Variants in PRMT3 observed in about 807,000 individuals in gnomAD.
The protein encoded by PRMT3 is protein arginine N-methyltransferase 3.
A neutral mutation model predicts 71.9 loss-of-function variants in PRMT3; 62 were observed. That is an observed-to-expected ratio of 0.86 (90% CI 0.70 to 1.07). PRMT3 has a LOEUF of 1.07. Ranked by LOEUF, PRMT3 falls within the 50% of genes least tolerant of loss-of-function variation. PRMT3 has a pLI of 0.00. For synonymous variants in PRMT3, 213 were observed against 220.4 expected (o/e 0.97, Z 0.30); for missense variants, 663 against 643.0 (o/e 1.03, Z -0.34).
chr11:20,499,970 T>A (rs1851419907), intron 15 of PRMT3, among the ~76,000 whole-genome samples: 1 of 152,006 alleles, frequency 6.6e-6, no homozygotes, highest in Non-Finnish European at 1.5e-5. Flanking sequence ...TAATAGCAAA[T>A]AATTGGGAGG....
intron 13 of PRMT3, among the ~76,000 whole-genome samples, chr11:20,492,227 G>T (rs1447941841): frequency 1.3e-5 from 2 of 152,086 alleles, no homozygotes; most frequent in East Asian, 3.9e-4. Context: ...TTACTGCTCT[G>T]GGCACTGAGA....
rs367976322 is a variant in PRMT3, at chr11:20,387,733, G to A, written c.-14G>A. ...CCGCCCCCAGACACGCCGGGCTCTC[G>A]GGGCACCACAGCCATGTGCTCGTTA... On this transcript the variant is annotated 5_prime_UTR_variant, in exon 1 of 16. Coordinates refer to ENST00000331079, the MANE Select transcript of PRMT3 (RefSeq NM_005788.4). This position sits in a 1 kb window ranked among gnomAD's most constrained non-coding sequence, Gnocchi z 4.3. 2.3e-5 allele frequency: 35 copies of A among 1,530,854 alleles called. No individual in the cohort carries two copies. Among genetic ancestry groups the A allele is most frequent in the Admixed American group, 1.4e-4 (7 of 49,938 alleles). The allele number at this position is 1,530,854 out of a possible 1,614,324, so 94.8% of individuals were successfully genotyped here.
intron 5 of PRMT3, among the ~76,000 whole-genome samples, chr11:20,394,111 CGT>C (rs1177494743): frequency 1.3e-5 from 2 of 152,158 alleles, no homozygotes; most frequent in African/African-American, 2.4e-5. Context: ...ATTCCAAGGA[CGT>C]GTCTTCACAA....
chr11:20,437,438 G>C (rs1321615532), intron 10 of PRMT3, among the ~76,000 whole-genome samples: 1 of 152,180 alleles, frequency 6.6e-6, no homozygotes, highest in Non-Finnish European at 1.5e-5. Context: ...TAGTGTTCCA[G>C]TTGGGAATGG....
intron 10 of PRMT3, among the ~76,000 whole-genome samples, chr11:20,427,467 T>G (rs892972034): frequency 5.9e-5 from 9 of 152,312 alleles, no homozygotes; most frequent in Admixed American, 2.6e-4. Context: ...GCTCACACCT[T>G]TAATCCCAGC....
intron 10 of PRMT3, among the ~76,000 whole-genome samples, chr11:20,429,457 A>C (rs1360488971): frequency 6.6e-6 from 1 of 152,138 alleles, no homozygotes; most frequent in Non-Finnish European, 1.5e-5. Context: ...CTCTAACTGA[A>C]ATAAAGAACA....
At chr11:20,474,630 G>A (rs1034929343) in intron 13 of PRMT3, among the ~76,000 whole-genome samples, 1 of 152,232 alleles carries the variant, frequency 6.6e-6, no homozygotes, top group Non-Finnish European at 1.5e-5. Flanking sequence ...GAGAGGTGTG[G>A]TTTCCTGGGC....
chr11:20,456,999 G>A (rs1475285363), intron 11 of PRMT3, among the ~76,000 whole-genome samples: 8 of 151,922 alleles, frequency 5.3e-5, no homozygotes, highest in African/African-American at 9.7e-5. Context: ...TCAGCCTCTC[G>A]ACTAGCTGGA....
intron 7 of PRMT3, among the ~76,000 whole-genome samples, chr11:20,398,953 T>C (rs1848891340): frequency 6.6e-6 from 1 of 152,338 alleles, no homozygotes; most frequent in Non-Finnish European, 1.5e-5. Context: ...AACGGTAATA[T>C]CCATATAAAA....
At chr11:20,393,025 T>C (rs1848751166) in intron 5 of PRMT3, 26 bp downstream of exon 5, 13 of 1,437,324 alleles carry the variant, frequency 9.0e-6, no homozygotes, top group Admixed American at 3.4e-5. Context: ...GTGTATCTCC[T>C]TTAATTAACA....
intron 15 of PRMT3, among the ~76,000 whole-genome samples, chr11:20,501,636 CTTATT>C (rs140767571): frequency 3.6e-4 from 55 of 152,158 alleles, no homozygotes; most frequent in African/African-American, 1.3e-3. Flanking sequence ...GTATGTAAAG[CTTATT>C]TTAGTGTCCA....
intron 10 of PRMT3, among the ~76,000 whole-genome samples, chr11:20,449,465 AG>A (rs769162418): frequency 2.0e-5 from 3 of 152,138 alleles, no homozygotes; most frequent in Non-Finnish European, 4.4e-5. Flanking sequence ...GCAACATAAA[AG>A]GGTGATTCAG....
chr11:20,483,706 C>A (rs1193968879), intron 13 of PRMT3, among the ~76,000 whole-genome samples: 1 of 152,066 alleles, frequency 6.6e-6, no homozygotes, highest in Non-Finnish European at 1.5e-5. Flanking sequence ...GAAGGAGAGG[C>A]CAACATAAAT....
chr11:20,489,858 C>CT (rs1383455547), intron 13 of PRMT3, among the ~76,000 whole-genome samples: 1 of 150,818 alleles, frequency 6.6e-6, no homozygotes, highest in Non-Finnish European at 1.5e-5. Context: ...AGAAAGATCC[C>CT]TTAAGCCCAG....
chr11:20,460,910 C>G (rs1850368840), intron 11 of PRMT3, among the ~76,000 whole-genome samples: 1 of 152,140 alleles, frequency 6.6e-6, no homozygotes, highest in South Asian at 2.1e-4. Flanking sequence ...GTTCAGATCA[C>G]CTGGTTTATT....
At chr11:20,499,996 T>C (rs1851420869) in intron 15 of PRMT3, among the ~76,000 whole-genome samples, 1 of 152,196 alleles carries the variant, frequency 6.6e-6, no homozygotes, top group Non-Finnish European at 1.5e-5. Flanking sequence ...ACCGGAATTC[T>C]AAGTACCAGC....
At chr11:20,488,486 G>A (rs1157861255) in intron 13 of PRMT3, among the ~76,000 whole-genome samples, 1 of 152,120 alleles carries the variant, frequency 6.6e-6, no homozygotes, top group Non-Finnish European at 1.5e-5. Flanking sequence ...TAGTGATTCT[G>A]CTGCATGGAT....
chr11:20,399,320 A>G (rs2133308085), intron 7 of PRMT3, among the ~76,000 whole-genome samples: 1 of 152,274 alleles, frequency 6.6e-6, no homozygotes, highest in East Asian at 1.9e-4. Context: ...AAGTTTGGTA[A>G]TTGATAATTG....
At position 20,390,527 on chromosome 11, in the gene PRMT3, T is replaced by C. The variant is rs560286459; in HGVS notation, c.247+701T>C. Among the ~76,000 whole-genome samples, 8 of 152,372 alleles carry C rather than the reference T, an allele frequency of 5.3e-5. No individual in the cohort carries two copies. The East Asian group carries it at 9.6e-4, about 18-fold the overall frequency. On this transcript the variant is annotated intron_variant, in intron 3 of 15. Coordinates refer to ENST00000331079, the MANE Select transcript of PRMT3 (RefSeq NM_005788.4). ...TCACAGCCTACGAGACTGAGTTTTA[T>C]ACAAAGTTCGGTAGAGACTGGAAAA... is the stretch of plus-strand genomic sequence containing the variant.
Sources: allele counts gnomAD v4.1 joint callset (sites outside exome capture counted in the v4.1 genomes callset), GRCh38; gene constraint gnomAD v4.1.1; non-coding constraint Gnocchi (gnomAD v3.1); transcripts MANE v1.5; gene names NCBI Gene and HGNC (gene_info 2026-07-23, HGNC 2026-07-21).